GBE1: variants seen among roughly 807,000 people sequenced by gnomAD.
GBE1 encodes the protein 1,4-alpha-glucan-branching enzyme.
In GBE1, 70 loss-of-function variants were observed where a neutral mutation model predicts 88.8. The observed-to-expected ratio is 0.79, with a 90% CI of 0.65 to 0.96. GBE1 has a LOEUF of 0.96. Among genes scored for constraint, GBE1 ranks in the 40% least tolerant of loss-of-function variants. The pLI is 0.00. For synonymous variants in GBE1, 284 were observed against 300.1 expected, an observed-to-expected ratio of 0.95 and a Z score of 0.56; for missense variants, 872 against 871.0, an observed-to-expected ratio of 1.00 and a Z score of -0.01.
intron 14 of GBE1, among the ~76,000 whole-genome samples, chr3:81,516,164 A>G (rs185623248): frequency 6.6e-6 from 1 of 151,748 alleles, no homozygotes; most frequent in Admixed American, 6.6e-5. Flanking sequence ...AACTACTGGG[A>G]AGACAGTATC....
At chr3:81,625,783 C>T (rs1165567670) in intron 7 of GBE1, among the ~76,000 whole-genome samples, 1 of 152,034 alleles carries the variant, frequency 6.6e-6, no homozygotes, top group East Asian at 1.9e-4. Flanking sequence ...TTTCAAATAT[C>T]ACAAAGCTTA....
At chr3:81,575,555 G>C (rs894982233) in intron 12 of GBE1, among the ~76,000 whole-genome samples, 1 of 152,064 alleles carries the variant, frequency 6.6e-6, no homozygotes, top group Non-Finnish European at 1.5e-5. Context: ...CTATACAAAT[G>C]TATAGTTGTT....
At position 81,526,872 on chromosome 3, in the gene GBE1, T is replaced by G. The variant is rs565505995; in HGVS notation, c.1934+8323A>C. Among the ~76,000 whole-genome samples the G allele has an allele frequency of 2.6e-5, 4 of 152,188 alleles. No individual in the cohort carries two copies. The East Asian group carries it at 7.8e-4, about 30-fold the overall frequency. On this transcript the variant is annotated intron_variant, in intron 14 of 15. Transcript: ENST00000429644. Reference sequence around the variant, plus strand: ...TTCACAGAATTGGAAAAAACTACTTTAAAGTTCATATGGAACCAAAAAAGA... The same window carrying G: ...TTCACAGAATTGGAAAAAACTACTTGAAAGTTCATATGGAACCAAAAAAGA...
chr3:81,581,096 T>C (rs1382235838), intron 11 of GBE1, 69 bp downstream of exon 11: 1 of 856,450 alleles, frequency 1.2e-6, no homozygotes, highest in African/African-American at 1.7e-5. Flanking sequence ...TTTAAATATG[T>C]TATTAAGGAG....
chr3:81,750,615 A>ATATATATACG (rs1706503140), intron 1 of GBE1, among the ~76,000 whole-genome samples: 1 of 69,528 alleles, frequency 1.4e-5, no homozygotes, highest in African/African-American at 8.9e-5. Context: ...ATATATATAT[A>ATATATATACG]TGTATATATA....
intron 12 of GBE1, among the ~76,000 whole-genome samples, chr3:81,545,813 G>A (rs75539620): frequency 7.8e-4 from 119 of 152,020 alleles, no homozygotes; most frequent in African/African-American, 2.5e-3. Context: ...ATCTTGTGAC[G>A]TCCTCCTGCA....
At chr3:81,668,467 T>G (rs1266732526) in intron 3 of GBE1, among the ~76,000 whole-genome samples, 1 of 152,240 alleles carries the variant, frequency 6.6e-6, no homozygotes, top group Non-Finnish European at 1.5e-5. Flanking sequence ...GTACTTACTG[T>G]ATCGAGTTCT....
intron 14 of GBE1, 39 bp downstream of exon 14, chr3:81,535,156 A>C: frequency 6.5e-7 from 1 of 1,550,248 alleles, no homozygotes; most frequent in Non-Finnish European, 8.7e-7. Context: ...TAAAGAAGTG[A>C]ATGTGGACAG....
chr3:81,639,918 G>C (rs1704646482), intron 7 of GBE1, among the ~76,000 whole-genome samples: 1 of 152,124 alleles, frequency 6.6e-6, no homozygotes, highest in Admixed American at 6.5e-5. Context: ...AAGAAAAGAA[G>C]AGCAGTCCAC....
chr3:81,582,123 C>T (rs1703739201), intron 10 of GBE1, among the ~76,000 whole-genome samples: 1 of 151,946 alleles, frequency 6.6e-6, no homozygotes, highest in Admixed American at 6.6e-5. Context: ...ATTTACTCTC[C>T]CTCTTTAATT....
intron 2 of GBE1, among the ~76,000 whole-genome samples, chr3:81,672,411 C>T (rs1385093727): frequency 6.6e-6 from 1 of 151,922 alleles, no homozygotes; most frequent in African/African-American, 2.4e-5. Flanking sequence ...TATAATTAAA[C>T]AACTGGATGC....
chr3:81,686,230 T>A (rs920621287), intron 2 of GBE1, among the ~76,000 whole-genome samples: 1 of 152,166 alleles, frequency 6.6e-6, no homozygotes, highest in East Asian at 1.9e-4. Flanking sequence ...ACAGAGAATA[T>A]GAAAGTAAGA....
intron 2 of GBE1, among the ~76,000 whole-genome samples, chr3:81,698,662 C>T (rs1045191368): frequency 6.6e-6 from 1 of 152,022 alleles, no homozygotes; most frequent in African/African-American, 2.4e-5. Flanking sequence ...GAAAAAGTAG[C>T]ATGGATGGGA....
chr3:81,649,537 A>T (rs1330676250), intron 4 of GBE1, among the ~76,000 whole-genome samples: 1 of 152,082 alleles, frequency 6.6e-6, no homozygotes, highest in Non-Finnish European at 1.5e-5. Context: ...TATCCCTTAT[A>T]GATTAGTATA....
chr3:81,750,548 T>TAC lies in GBE1; in HGVS notation c.143+10826_143+10827insGT, dbSNP rs1392927494. 5.9e-5 allele frequency among the ~76,000 whole-genome samples: 5 copies of TAC among 84,306 alleles called. 1 individual carries two copies. 55.3% of individuals were successfully genotyped at this position (84,306 alleles called of 152,430 possible). A position where few individuals can be genotyped will look rare whatever the true frequency, so the allele number is the denominator to read the frequency against. ...TCATATATATATATACGTATATATA[T>TAC]ATGTATATATATATGTATATATATA... On this transcript the variant is annotated intron_variant, in intron 1 of 15. Transcript: ENST00000429644.
chr3:81,750,539 G>GTATATATA (rs71108342), intron 1 of GBE1, among the ~76,000 whole-genome samples: 2 of 66,410 alleles, frequency 3.0e-5, no homozygotes, highest in African/African-American at 1.9e-4. Flanking sequence ...ATATATATAC[G>GTATATATA]TATATATATA....
At chr3:81,557,276 AG>A (rs1703360899) in intron 12 of GBE1, among the ~76,000 whole-genome samples, 1 of 152,160 alleles carries the variant, frequency 6.6e-6, no homozygotes. Flanking sequence ...AAACTGCAAA[AG>A]CCTAAACAAA....
chr3:81,534,611 G>A (rs1470183247), intron 14 of GBE1: 2 of 151,976 alleles, frequency 1.3e-5, no homozygotes, highest in African/African-American at 2.4e-5. Context: ...AATTTTAGGA[G>A]AAGAAACAGA....
chr3:81,672,434 T>C (rs1705201343), intron 2 of GBE1, among the ~76,000 whole-genome samples: 1 of 151,996 alleles, frequency 6.6e-6, no homozygotes, highest in African/African-American at 2.4e-5. Flanking sequence ...TACAATGGTA[T>C]AAAATGAATG....
Sources: gnomAD v4.1 joint callset for allele counts (sites outside exome capture counted in the v4.1 genomes callset) on GRCh38, gnomAD v4.1.1 for gene constraint, MANE v1.5 for transcripts, NCBI Gene and HGNC (gene_info 2026-07-23, HGNC 2026-07-21) for gene names.